Variants in RNF111 observed in about 807,000 individuals in gnomAD.
The protein encoded by RNF111 is E3 ubiquitin-protein ligase Arkadia.
RNF111 carries 17 observed loss-of-function variants against 95.1 expected under a neutral mutation model. The observed-to-expected ratio is 0.18, with a 90% CI of 0.12 to 0.27. RNF111 has a LOEUF of 0.27. Ranked by LOEUF, RNF111 falls within the 10% of genes least tolerant of loss-of-function variation. The pLI, the probability that RNF111 is intolerant of heterozygous loss-of-function variation, is 1.00. For missense variants in RNF111, 1,189 were observed against 1,210.4 expected, an observed-to-expected ratio of 0.98 and a Z score of 0.26; for synonymous variants, 440 against 414.8, an observed-to-expected ratio of 1.06 and a Z score of -0.74.
chr15:58,997,762 G>C (rs1227638265), intron 1 of RNF111, among the ~76,000 whole-genome samples: 1 of 150,514 alleles, frequency 6.6e-6, no homozygotes, highest in Non-Finnish European at 1.5e-5. Context: ...GTTGCAGTGA[G>C]CCAAGATTGC....
intron 8 of RNF111, among the ~76,000 whole-genome samples, chr15:59,083,252 A>T (rs757473278): frequency 1.4e-4 from 21 of 152,180 alleles, no homozygotes; most frequent in Non-Finnish European, 3.1e-4. Context: ...TGCAAAATAA[A>T]GAGTATGAAT....
At chr15:59,052,461 G>T in intron 3 of RNF111, 30 bp downstream of exon 3, 1 of 1,460,524 alleles carries the variant, frequency 6.8e-7, no homozygotes, top group South Asian at 1.4e-5. Flanking sequence ...TTAAATGTTT[G>T]AAATATTAAA....
intron 1 of RNF111, among the ~76,000 whole-genome samples, chr15:58,992,837 GAAATA>G (rs1444863846): frequency 9.2e-5 from 14 of 151,864 alleles, no homozygotes; most frequent in South Asian, 2.1e-4. Flanking sequence ...ATAAGTAAAT[GAAATA>G]AAATAAAATA....
intron 2 of RNF111, among the ~76,000 whole-genome samples, chr15:59,042,009 C>A (rs2041482124): frequency 8.5e-6 from 1 of 117,508 alleles, no homozygotes; most frequent in Non-Finnish European, 1.7e-5. Context: ...TACTGGTCTT[C>A]ATTCTTCTAT....
Position 59,066,617 on chromosome 15 carries a change from A to C in RNF111, c.1367-147A>C. On this transcript the variant is annotated intron_variant, in intron 5 of 13. Coordinates refer to ENST00000348370, the MANE Select transcript of RNF111 (RefSeq NM_017610.8). Reference sequence around the variant, plus strand: ...ACAGCAAGACTCCATCTCAAAAAAAAAAGAACGTGGCACTATCACATTATT... The same window carrying C: ...ACAGCAAGACTCCATCTCAAAAAAACAAGAACGTGGCACTATCACATTATT... 4.2e-6 allele frequency: 3 copies of C among 719,418 alleles called. No individual in the cohort carries two copies. The South Asian group carries it at 5.8e-5, about 14-fold the overall frequency. 44.6% of individuals were successfully genotyped at this position (719,418 alleles called of 1,614,324 possible).
At chr15:59,084,981 C>G (rs1462432809) in intron 9 of RNF111, among the ~76,000 whole-genome samples, 1 of 152,152 alleles carries the variant, frequency 6.6e-6, no homozygotes, top group African/African-American at 2.4e-5. Context: ...CTCCACCACC[C>G]TCACCTGCCA....
intron 7 of RNF111, among the ~76,000 whole-genome samples, chr15:59,079,084 A>T (rs2078660794): frequency 6.6e-6 from 1 of 152,172 alleles, no homozygotes; most frequent in East Asian, 1.9e-4. Flanking sequence ...GGTTTTTGGG[A>T]ATGTGGAATA....
chr15:59,028,818 T>C (rs1470718885), intron 1 of RNF111, among the ~76,000 whole-genome samples: 1 of 151,978 alleles, frequency 6.6e-6, no homozygotes, highest in Non-Finnish European at 1.5e-5. Flanking sequence ...CTTGCTCTGT[T>C]GCTCAAGCTG....
intron 1 of RNF111, among the ~76,000 whole-genome samples, chr15:59,022,277 A>G (rs1183401855): frequency 8.5e-5 from 13 of 152,150 alleles, no homozygotes; most frequent in Non-Finnish European, 1.2e-4. Flanking sequence ...AGGTCTTTGT[A>G]CTTAGAGGCG....
At chr15:59,004,899 A>G (rs1307826538) in intron 1 of RNF111, among the ~76,000 whole-genome samples, 1 of 152,242 alleles carries the variant, frequency 6.6e-6, no homozygotes, top group Non-Finnish European at 1.5e-5. Flanking sequence ...GCATAGTAAG[A>G]TGCTCACATT....
At chr15:59,056,451 C>T (rs1329837114) in intron 4 of RNF111, among the ~76,000 whole-genome samples, 1 of 152,056 alleles carries the variant, frequency 6.6e-6, no homozygotes, top group East Asian at 1.9e-4. Flanking sequence ...TGGGAATCAT[C>T]TTGAGGTATT....
chr15:59,072,617 A>T (rs1435869108), intron 6 of RNF111, among the ~76,000 whole-genome samples: 2 of 150,950 alleles, frequency 1.3e-5, no homozygotes, highest in African/African-American at 4.9e-5. Flanking sequence ...CGCCTGGCTA[A>T]TTTTTTTGTA....
chr15:59,025,147 A>G (rs1408108746), intron 1 of RNF111, among the ~76,000 whole-genome samples: 1 of 152,212 alleles, frequency 6.6e-6, no homozygotes, highest in African/African-American at 2.4e-5. Flanking sequence ...CGCCTCCCAA[A>G]GTGCAGGGAT....
intron 1 of RNF111, among the ~76,000 whole-genome samples, chr15:58,989,794 T>G (rs1437423302): frequency 6.6e-6 from 1 of 152,140 alleles, no homozygotes; most frequent in Non-Finnish European, 1.5e-5. Flanking sequence ...TAGCAGATAC[T>G]CCTAGTTATT....
intron 3 of RNF111, among the ~76,000 whole-genome samples, chr15:59,054,742 T>C (rs932563205): frequency 1.3e-5 from 2 of 152,190 alleles, no homozygotes; most frequent in African/African-American, 4.8e-5. Flanking sequence ...TTCAGCCCAC[T>C]TTGACCTTTG....
chr15:59,029,552 T>C (rs2040803519), intron 1 of RNF111, among the ~76,000 whole-genome samples: 1 of 152,252 alleles, frequency 6.6e-6, no homozygotes, highest in Non-Finnish European at 1.5e-5. Flanking sequence ...GTTCTGATAG[T>C]AAAGTTATAT....
intron 6 of RNF111, among the ~76,000 whole-genome samples, chr15:59,072,947 T>C (rs950936125): frequency 2.7e-5 from 4 of 150,514 alleles, no homozygotes; most frequent in African/African-American, 9.8e-5. Flanking sequence ...CAACACTTTG[T>C]GGGGCTGAGG....
At position 59,031,646 on chromosome 15, in the gene RNF111, A is replaced by T. The variant is rs753828299; in HGVS notation, c.824A>T (p.Glu275Val). ...TCTAGCTCATCAACTGAAGGAGAAG[A>T]AGATTTGTTTGTTTCTGCCAGTGAA... is the stretch of plus-strand genomic sequence containing the variant. ...SSSSSSTEGE[E>V]DLFVSASENH... Residue 275 changes from glutamate (E) to valine (V), a missense_variant, in exon 2 of 14, where the codon GAA becomes GTA. Coordinates refer to ENST00000348370, the MANE Select transcript of RNF111 (RefSeq NM_017610.8). The T allele has an allele frequency of 9.3e-6, 15 of 1,614,170 alleles. No homozygotes were observed. Among genetic ancestry groups the T allele is most frequent in the Non-Finnish European group, 1.3e-5 (15 of 1,180,018 alleles).
intron 1 of RNF111, among the ~76,000 whole-genome samples, chr15:59,016,495 T>C (rs2040074499): frequency 6.6e-6 from 1 of 152,192 alleles, no homozygotes; most frequent in African/African-American, 2.4e-5. Flanking sequence ...GAACCTGTAT[T>C]TTCTCTCTCT....
Sources: allele counts gnomAD v4.1 joint callset (sites outside exome capture counted in the v4.1 genomes callset), GRCh38; gene constraint gnomAD v4.1.1; transcripts MANE v1.5; gene names NCBI Gene and HGNC (gene_info 2026-07-23, HGNC 2026-07-21).